The following NOL4L variants were observed in gnomAD, a reference collection of about 807,000 sequenced individuals.
NOL4L encodes the protein nucleolar protein 4-like.
Under a neutral mutation model 64.5 loss-of-function variants are expected in NOL4L, and 7 were observed. That is an observed-to-expected ratio of 0.11 (90% CI 0.06 to 0.20). The LOEUF is 0.20. Among genes scored for constraint, NOL4L ranks in the 10% least tolerant of loss-of-function variants. NOL4L has a pLI of 1.00. For missense variants in NOL4L, 680 were observed against 967.1 expected, an observed-to-expected ratio of 0.70 and a Z score of 3.94; for synonymous variants, 413 against 401.0, an observed-to-expected ratio of 1.03 and a Z score of -0.36.
Position 32,499,697 on chromosome 20 carries a change from C to T in NOL4L, c.699+11650G>A, listed in dbSNP as rs1490076231. ...GAGGTTGTAGTGAGCCAAGATTTTG[C>T]GACTGCACTCTAGCCTGGGCAACAG... On this transcript the variant is annotated intron_variant, in intron 4 of 10. Transcript: ENST00000621426. Among the ~76,000 whole-genome samples, 8 of 134,000 alleles carry T rather than the reference C, an allele frequency of 6.0e-5. No individual in the cohort carries two copies. In the East Asian group the frequency reaches 1.4e-3, roughly 23 times the overall value. The allele number at this position is 134,000 out of a possible 152,430, so 87.9% of individuals were successfully genotyped here.
chr20:32,467,753 G>A (rs896006419), intron 5 of NOL4L, among the ~76,000 whole-genome samples: 6 of 152,180 alleles, frequency 3.9e-5, no homozygotes, highest in African/African-American at 1.4e-4. Flanking sequence ...CAAGGGGTTG[G>A]CACCCGCCCA....
rs1477083621 is a variant in NOL4L at position 32,473,365 on chromosome 20, C to T, written c.841+1236G>A. 3.3e-5 allele frequency among the ~76,000 whole-genome samples: 5 copies of T among 152,210 alleles called. No homozygotes were observed. In the East Asian group the frequency reaches 5.8e-4, roughly 18 times the overall value. On this transcript the variant is annotated intron_variant, in intron 5 of 10. Transcript: ENST00000621426. ...GCCCCCCAGAGCACGTGGCTGCCCC[C>T]GCCGGTCCCCACCCCCGTGGGAACG...
intron 5 of NOL4L, among the ~76,000 whole-genome samples, chr20:32,474,374 A>C (rs532987030): frequency 6.6e-6 from 1 of 152,204 alleles, no homozygotes; most frequent in South Asian, 2.1e-4. Flanking sequence ...TGCCAGTCCT[A>C]TGGGCTCTCT....
At position 32,447,684 on chromosome 20, in the gene NOL4L, C is replaced by T. The variant is rs1170587589; in HGVS notation, c.1955G>A (p.Arg652Gln). 5.6e-6 allele frequency: 9 copies of T among 1,612,288 alleles called. No homozygotes were observed. Among genetic ancestry groups the T allele is most frequent in the South Asian group, 2.2e-5 (2 of 90,996 alleles). The change falls in exon 11 of 11, where the codon CGG becomes CAG. Residue 652 changes from arginine to glutamine, a missense_variant. This residue lies in a region of NOL4L where 175 missense variants were observed against 227.0 expected (regional missense o/e 0.77). Transcript: ENST00000621426. Reference sequence around the variant, plus strand: ...CTCCCGGTAGCCCGCGATGAGCTGCCGCACGGCGCTGATCTCCGTGGGGCT... The same window carrying T: ...CTCCCGGTAGCCCGCGATGAGCTGCTGCACGGCGCTGATCTCCGTGGGGCT... ...QLSPTEISAV[R>Q]QLIAGYRESA... is the part of the protein sequence containing the mutation.
chr20:32,495,195 G>A (rs1396699184), intron 4 of NOL4L, among the ~76,000 whole-genome samples: 2 of 152,252 alleles, frequency 1.3e-5, no homozygotes, highest in Non-Finnish European at 2.9e-5. Context: ...CACTTCCTCA[G>A]CCACAGGAGT....
At chr20:32,459,369 A>G (rs1288441128) in intron 5 of NOL4L, among the ~76,000 whole-genome samples, 2 of 144,596 alleles carry the variant, frequency 1.4e-5, no homozygotes, top group Non-Finnish European at 3.0e-5. Flanking sequence ...GCACACCACG[A>G]CGCTTGGCTA....
chr20:32,544,193 A>G (rs1198097889), intron 1 of NOL4L, among the ~76,000 whole-genome samples: 1 of 151,832 alleles, frequency 6.6e-6, no homozygotes, highest in Non-Finnish European at 1.5e-5. Context: ...GGGGTGAGAG[A>G]GAGGCAGGGA....
At chr20:32,576,411 G>C (rs1489352076) in intron 1 of NOL4L, among the ~76,000 whole-genome samples, 1 of 152,184 alleles carries the variant, frequency 6.6e-6, no homozygotes, top group East Asian at 1.9e-4. Context: ...TCAGAGAAAG[G>C]GGTCGGAAGT....
intron 2 of NOL4L, 108 bp downstream of exon 2, chr20:32,527,650 T>A: frequency 7.5e-7 from 1 of 1,338,036 alleles, no homozygotes; most frequent in Non-Finnish European, 1.0e-6. Context: ...GGCCGTTTCA[T>A]CACGCCTCAG....
At chr20:32,475,134 G>GA (rs2015306021) in intron 4 of NOL4L, 9 of 985,354 alleles carry the variant, frequency 9.1e-6, no homozygotes, top group Non-Finnish European at 1.1e-5. Context: ...CCGGCGGCAA[G>GA]AAGCGGGCAG....
Position 32,528,528 on chromosome 20 carries a change from G to A in NOL4L, c.322-615C>T, listed in dbSNP as rs535306691. Among the ~76,000 whole-genome samples, 32 of 152,382 alleles carry A rather than the reference G, an allele frequency of 2.1e-4. 1 individual carries two copies. The highest frequency in any genetic ancestry group is 1.5e-3 in the East Asian group (8 of 5,188). ...GAGGCCACGAGGAGGTGGCAGGGCC[G>A]TGTGAACGGGGCGGCCGTGGGCCCC... is the stretch of plus-strand genomic sequence containing the variant. On this transcript the variant is annotated intron_variant, in intron 1 of 10. Coordinates refer to ENST00000621426, the MANE Select transcript of NOL4L (RefSeq NM_001256798.2).
At position 32,467,759 on chromosome 20, in the gene NOL4L, G is replaced by A. The variant is rs545877945; in HGVS notation, c.841+6842C>T. Reference sequence around the variant, plus strand: ...CCAGCCCAGCAAGGGGTTGGCACCCGCCCAAGGCTGCCTGGCAAGGAGGGA... The same window carrying A: ...CCAGCCCAGCAAGGGGTTGGCACCCACCCAAGGCTGCCTGGCAAGGAGGGA... On this transcript the variant is annotated intron_variant, in intron 5 of 10. Coordinates refer to ENST00000621426, the MANE Select transcript of NOL4L (RefSeq NM_001256798.2). Among the ~76,000 whole-genome samples the A allele has an allele frequency of 6.4e-4, 98 of 152,322 alleles. No individual in the cohort carries two copies. The South Asian group carries it at 0.013, about 20-fold the overall frequency.
intron 1 of NOL4L, among the ~76,000 whole-genome samples, chr20:32,553,470 T>C (rs1978439015): frequency 6.6e-6 from 1 of 152,176 alleles, no homozygotes; most frequent in Non-Finnish European, 1.5e-5. Flanking sequence ...TTCTCTCACC[T>C]CCAGTGGGTC....
At chr20:32,454,960 C>T (rs535552551) in intron 6 of NOL4L, among the ~76,000 whole-genome samples, 10 of 152,198 alleles carry the variant, frequency 6.6e-5, no homozygotes, top group Non-Finnish European at 1.5e-4. Context: ...GGGGTTGGTG[C>T]CCTAGGGTCA....
intron 4 of NOL4L, among the ~76,000 whole-genome samples, chr20:32,496,199 G>C (rs1376986064): frequency 6.6e-6 from 1 of 152,150 alleles, no homozygotes; most frequent in Non-Finnish European, 1.5e-5. Flanking sequence ...TCCTACCCCA[G>C]GGTCTTTGCA....
intron 1 of NOL4L, among the ~76,000 whole-genome samples, chr20:32,555,478 CAT>C (rs1213259221): frequency 1.3e-5 from 2 of 150,596 alleles, no homozygotes; most frequent in Non-Finnish European, 1.5e-5. Context: ...TTTTTTTTTT[CAT>C]AGAGATGAGG....
At chr20:32,489,303 G>A (rs111629151) in intron 4 of NOL4L, among the ~76,000 whole-genome samples, 1 of 151,618 alleles carries the variant, frequency 6.6e-6, no homozygotes, top group Non-Finnish European at 1.5e-5. Flanking sequence ...GTGGGGATCT[G>A]GCTTATTTTT....
At chr20:32,454,572 A>G (rs2013287533) in intron 6 of NOL4L, among the ~76,000 whole-genome samples, 1 of 152,082 alleles carries the variant, frequency 6.6e-6, no homozygotes, top group African/African-American at 2.4e-5. Flanking sequence ...CCATCTTCTC[A>G]TCCTTCATGG....
At chr20:32,475,174 C>G (rs2015309584) in intron 4 of NOL4L, 1 of 985,478 alleles carries the variant, frequency 1.0e-6, no homozygotes, top group African/African-American at 1.7e-5. Context: ...GGCACTGAGG[C>G]TGAGCTGAGT....
Sources: gnomAD v4.1 joint callset for allele counts (sites outside exome capture counted in the v4.1 genomes callset) on GRCh38, gnomAD v4.1.1 for gene constraint, gnomAD v4.1.1 regional missense constraint, MANE v1.5 for transcripts, NCBI Gene and HGNC (gene_info 2026-07-23, HGNC 2026-07-21) for gene names.